Variants in ATP8B1 observed in about 807,000 individuals in gnomAD.
ATP8B1 encodes the protein ATPase phospholipid transporting 8B1.
ATP8B1 carries 80 observed loss-of-function variants against 149.9 expected under a neutral mutation model. The ratio of observed to expected loss-of-function variants is 0.53; its 90% CI spans 0.45 to 0.64. The LOEUF (loss-of-function observed/expected upper bound fraction) is 0.64, where lower values mean the gene tolerates loss of function less well. ATP8B1 is among the 30% of genes least tolerant of loss of function. The pLI, the probability that ATP8B1 is intolerant of heterozygous loss-of-function variation, is 0.00. For missense variants in ATP8B1, 1,247 were observed against 1,552.6 expected (o/e 0.80, Z 3.31); for synonymous variants, 536 against 562.8 (o/e 0.95, Z 0.67).
intron 15 of ATP8B1, among the ~76,000 whole-genome samples, chr18:57,682,211 G>T (rs1912015236): frequency 6.6e-6 from 1 of 152,056 alleles, no homozygotes; most frequent in South Asian, 2.1e-4. Flanking sequence ...TCACCATGTT[G>T]GCCAGGCTGG....
At chr18:57,743,125 CA>C (rs1313590220) in intron 1 of ATP8B1, among the ~76,000 whole-genome samples, 13 of 152,310 alleles carry the variant, frequency 8.5e-5, no homozygotes, top group African/African-American at 2.9e-4. Flanking sequence ...GGCATGTCGC[CA>C]GGCAATGTCA....
In ATP8B1 at chr18:57,706,561, C is replaced by A. The variant is rs34719006; in HGVS notation, c.208G>T (p.Asp70Tyr). The change falls in exon 3 of 28, where the codon GAT becomes TAT. Residue 70 changes from aspartate to tyrosine, a missense_variant. Physicochemically the swap from Asp to Tyr is radical, Grantham distance 160. Transcript: ENST00000648908. ...KECTWQVKANDRKYHEQPHFM... is the reference protein window; with the variant it reads ...KECTWQVKANYRKYHEQPHFM... ...TGAGGTTGTTCGTGGTACTTGCGAT[C>A]GTTTGCTTTGACTTGCCATGTACAT... 8.1e-6 allele frequency: 13 copies of A among 1,613,764 alleles called. No homozygotes were observed. The highest frequency in any genetic ancestry group is 3.3e-4 in the Middle Eastern group (2 of 6,082).
At chr18:57,778,611 A>C (rs1244185931) in intron 1 of ATP8B1, among the ~76,000 whole-genome samples, 14 of 152,140 alleles carry the variant, frequency 9.2e-5, no homozygotes. Context: ...TGTGAGCCAG[A>C]GCTGCAGTCA....
intron 1 of ATP8B1, among the ~76,000 whole-genome samples, chr18:57,797,904 A>G (rs1030049132): frequency 6.6e-6 from 1 of 151,774 alleles, no homozygotes; most frequent in Admixed American, 6.6e-5. Flanking sequence ...ATGAGGTTTC[A>G]CTATGTGGGC....
chr18:57,799,665 CT>C (rs200542801), intron 1 of ATP8B1, among the ~76,000 whole-genome samples: 3,238 of 147,876 alleles, frequency 0.022, 118 homozygotes, highest in African/African-American at 0.072. Flanking sequence ...GATTACACCA[CT>C]TGCACTCCAG....
rs1397704754 is a variant in ATP8B1 at position 57,742,840 on chromosome 18, AC to A, written c.-25-11009del. ...CCCCATCTCTATAAAAAAAAAAAAA[AC>A]AAAACAGACTGGTTCTTGTTTCATT... On this transcript the variant is annotated intron_variant, in intron 1 of 27. Coordinates refer to ENST00000648908, the MANE Select transcript of ATP8B1 (RefSeq NM_001374385.1). 3.1e-3 allele frequency among the ~76,000 whole-genome samples: 447 copies of A among 143,828 alleles called. 1 individual carries two copies. Among genetic ancestry groups the A allele is most frequent in the East Asian group, 0.016 (77 of 4,950 alleles). The allele number at this position is 143,828 out of a possible 152,430, so 94.4% of individuals were successfully genotyped here. A position where few individuals can be genotyped will look rare whatever the true frequency, so the allele number is the denominator to read the frequency against.
At chr18:57,797,865 C>A (rs1031989709) in intron 1 of ATP8B1, among the ~76,000 whole-genome samples, 1 of 151,988 alleles carries the variant, frequency 6.6e-6, no homozygotes, top group African/African-American at 2.4e-5. Flanking sequence ...TGCCACCACA[C>A]CTGGCTAATT....
intron 4 of ATP8B1, 144 bp downstream of exon 4, chr18:57,704,411 T>C (rs1448614800): frequency 1.5e-6 from 1 of 657,776 alleles, no homozygotes; most frequent in Non-Finnish European, 2.7e-6. Flanking sequence ...GCTGGTTCTG[T>C]GTATGAGGCA....
At chr18:57,772,573 T>C (rs2080272330) in intron 1 of ATP8B1, among the ~76,000 whole-genome samples, 4 of 152,136 alleles carry the variant, frequency 2.6e-5, no homozygotes, top group Admixed American at 2.6e-4. Flanking sequence ...ATTTGGAATT[T>C]GTGTGCTAAG....
chr18:57,689,775 TG>T (rs974305641), intron 12 of ATP8B1, among the ~76,000 whole-genome samples: 34 of 152,314 alleles, frequency 2.2e-4, no homozygotes, highest in African/African-American at 7.7e-4. Context: ...TCCAACACTT[TG>T]GGAGGCCGAG....
Position 57,688,374 on chromosome 18 carries a change from A to C in ATP8B1, c.1354T>G (p.Phe452Val), listed in dbSNP as rs773547169. Reference sequence around the variant, plus strand: ...GTGAGTGTCCCCGTCTTATCAGAGAAGATATAATGGATCTGCCCGAGCTGT... The same window carrying C: ...GTGAGTGTCCCCGTCTTATCAGAGACGATATAATGGATCTGCCCGAGCTGT... Reference protein sequence around the residue: ...NEQLGQIHYIFSDKTGTLTQN... With the variant: ...NEQLGQIHYIVSDKTGTLTQN... The change falls in exon 13 of 28, where the codon TTC becomes GTC. Residue 452 changes from phenylalanine (F) to valine (V), a missense_variant. By Grantham distance (50) the Phe-to-Val change is conservative (BLOSUM62 -1). Around this residue, in one of 3 missense-constraint regions of ATP8B1, gnomAD observed 853 missense variants for 1,035.7 expected, o/e 0.82. Transcript: ENST00000648908. 1 of 1,614,198 alleles carries C rather than the reference A, an allele frequency of 6.2e-7. No homozygotes were observed. Among genetic ancestry groups the C allele is most frequent in the South Asian group, 1.1e-5 (1 of 91,072 alleles).
intron 1 of ATP8B1, among the ~76,000 whole-genome samples, chr18:57,767,048 G>C (rs1256131597): frequency 6.6e-6 from 1 of 152,156 alleles, no homozygotes; most frequent in Admixed American, 6.5e-5. Flanking sequence ...GTCAGAGAGT[G>C]ATGGGGAAAG....
chr18:57,648,419 A>G lies in ATP8B1; in HGVS notation c.*69T>C. 2 of 1,528,218 alleles carry G rather than the reference A, an allele frequency of 1.3e-6. No homozygotes were observed. The highest frequency in any genetic ancestry group is 1.8e-6 in the Non-Finnish European group (2 of 1,105,686). The allele number at this position is 1,528,218 out of a possible 1,614,324, so 94.7% of individuals were successfully genotyped here. ...TGAATGCAATTCACACACACACACAAAGTCCTGAGAGTCTTTCATAAAAAA... is the reference window on the plus strand; with the variant it reads ...TGAATGCAATTCACACACACACACAGAGTCCTGAGAGTCTTTCATAAAAAA... On this transcript the variant is annotated 3_prime_UTR_variant, in exon 28 of 28. Transcript: ENST00000648908.
At chr18:57,685,158 G>A in intron 13 of ATP8B1, 43 bp from the exon 14 acceptor site, 1 of 1,604,922 alleles carries the variant, frequency 6.2e-7, no homozygotes, top group Non-Finnish European at 8.5e-7. Flanking sequence ...CTACACCTAT[G>A]TCCAGAGGCC....
intron 1 of ATP8B1, among the ~76,000 whole-genome samples, chr18:57,788,253 C>T: frequency 6.6e-6 from 1 of 151,738 alleles, no homozygotes; most frequent in East Asian, 1.9e-4. Flanking sequence ...TCATTTGAAG[C>T]ACGAAAAAAT....
At chr18:57,658,742 T>G (rs191192120) in intron 22 of ATP8B1, among the ~76,000 whole-genome samples, 156 of 151,166 alleles carry the variant, frequency 1.0e-3, no homozygotes, top group Non-Finnish European at 1.8e-3. Flanking sequence ...CATGGCTCAC[T>G]GTAGTCTCAA....
In ATP8B1 at chr18:57,802,498, G is replaced by T. The variant is rs567094203; in HGVS notation, c.-26+500C>A. 6.6e-6 allele frequency among the ~76,000 whole-genome samples: 1 copy of T among 152,312 alleles called. No homozygotes were observed. The highest frequency in any genetic ancestry group is 2.1e-4 in the South Asian group (1 of 4,824). ...CTCACCCCCTCCATCCCTCCCGGCAGGTGGGCCGCGGTCAGATACGTTTGG... is the reference window on the plus strand; with the variant it reads ...CTCACCCCCTCCATCCCTCCCGGCATGTGGGCCGCGGTCAGATACGTTTGG... On this transcript the variant is annotated intron_variant, in intron 1 of 27. Coordinates refer to ENST00000648908, the MANE Select transcript of ATP8B1 (RefSeq NM_001374385.1). The surrounding 1 kb of genome is among the most constrained non-coding windows in gnomAD (Gnocchi z 4.9).
chr18:57,681,457 A>G (rs1362986001), intron 15 of ATP8B1, among the ~76,000 whole-genome samples: 1 of 152,174 alleles, frequency 6.6e-6, no homozygotes, highest in Non-Finnish European at 1.5e-5. Flanking sequence ...GCTAATGAAC[A>G]GGTGTTTTCA....
chr18:57,697,525 A>G, intron 8 of ATP8B1, 93 bp downstream of exon 8: 1 of 1,357,184 alleles, frequency 7.4e-7, no homozygotes, highest in South Asian at 1.2e-5. Context: ...AAGGCCAGAT[A>G]TCAAGCCGTC....
Sources: gnomAD v4.1 joint callset for allele counts (sites outside exome capture counted in the v4.1 genomes callset) on GRCh38, gnomAD v4.1.1 for gene constraint, gnomAD v4.1.1 regional missense constraint, Gnocchi (gnomAD v3.1) non-coding constraint, MANE v1.5 for transcripts, NCBI Gene and HGNC (gene_info 2026-07-23, HGNC 2026-07-21) for gene names.